NALF1: variants seen among roughly 807,000 people sequenced by gnomAD.
NALF1 encodes family with sequence similarity 155 member A.
A neutral mutation model predicts 48.4 loss-of-function variants in NALF1; 3 were observed. That is an observed-to-expected ratio of 0.06 (90% CI 0.03 to 0.16). NALF1 has a LOEUF of 0.16. NALF1 is among the 10% of genes least tolerant of loss of function. The pLI is 1.00. For missense variants in NALF1, 526 were observed against 571.5 expected (o/e 0.92, Z 0.81); for synonymous variants, 262 against 245.7 (o/e 1.07, Z -0.62).
chr13:107,468,089 G>A (rs1885038618), intron 1 of NALF1, among the ~76,000 whole-genome samples: 1 of 151,210 alleles, frequency 6.6e-6, no homozygotes, highest in African/African-American at 2.4e-5. Context: ...GCAACTGTCT[G>A]GCAAAAACAG....
chr13:107,866,338 T>TCTG lies in NALF1; in HGVS notation c.256_258dup (p.Gln86dup), dbSNP rs756515049. ...TGCTGCTGCTGCTGCTGCCGCTGCC[T>TCTG]CTGCTGCTGCTGCTGCTGCTGCTGC... On this transcript the variant is annotated inframe_insertion, in exon 1 of 3. Transcript: ENST00000375915. The surrounding 1 kb of genome is among the most constrained non-coding windows in gnomAD (Gnocchi z 4.4). 8.5e-3 allele frequency: 13,559 copies of TCTG among 1,598,672 alleles called. 30 individuals are homozygous for TCTG. The highest frequency in any genetic ancestry group is 0.026 in the Middle Eastern group (153 of 5,780).
At chr13:107,540,857 ATAAACT>A (rs1022549845) in intron 1 of NALF1, among the ~76,000 whole-genome samples, 1 of 152,178 alleles carries the variant, frequency 6.6e-6, no homozygotes, top group Admixed American at 6.6e-5. Context: ...ACTTGAATAC[ATAAACT>A]TATTTAGAAA....
intron 1 of NALF1, among the ~76,000 whole-genome samples, chr13:107,266,009 T>C (rs1360825629): frequency 6.6e-6 from 1 of 152,146 alleles, no homozygotes; most frequent in Non-Finnish European, 1.5e-5. Context: ...TTCCTGAAAA[T>C]AGTATAAAGT....
intron 1 of NALF1, among the ~76,000 whole-genome samples, chr13:107,380,121 T>G (rs565912578): frequency 6.6e-6 from 1 of 152,182 alleles, no homozygotes; most frequent in Non-Finnish European, 1.5e-5. Flanking sequence ...TTTATAGTTA[T>G]AGTATCAACT....
intron 1 of NALF1, among the ~76,000 whole-genome samples, chr13:107,559,155 G>A (rs2138391783): frequency 6.6e-6 from 1 of 152,296 alleles, no homozygotes; most frequent in African/African-American, 2.4e-5. Flanking sequence ...GGAGGAGACG[G>A]CAGCAGAGAG....
At chr13:107,569,396 C>T (rs897335642) in intron 1 of NALF1, among the ~76,000 whole-genome samples, 7 of 151,800 alleles carry the variant, frequency 4.6e-5, no homozygotes, top group South Asian at 2.1e-4. Context: ...GACGTGAACC[C>T]GGGGGGCGGA....
At chr13:107,262,767 G>GCT (rs1280864865) in intron 1 of NALF1, among the ~76,000 whole-genome samples, 2 of 43,024 alleles carry the variant, frequency 4.6e-5, no homozygotes, top group East Asian at 1.3e-3. Flanking sequence ...TAACCCACAG[G>GCT]CGCTCTCTCT....
At chr13:107,648,258 C>T (rs1471691553) in intron 1 of NALF1, among the ~76,000 whole-genome samples, 1 of 152,124 alleles carries the variant, frequency 6.6e-6, no homozygotes, top group Non-Finnish European at 1.5e-5. Flanking sequence ...TTGACAAATG[C>T]CCATCGTCAT....
intron 1 of NALF1, among the ~76,000 whole-genome samples, chr13:107,346,633 C>T (rs1882777509): frequency 6.6e-6 from 1 of 152,080 alleles, no homozygotes; most frequent in African/African-American, 2.4e-5. Context: ...TGAGGAGTTG[C>T]TCTTTAATAG....
At chr13:107,469,986 G>A (rs1885073827) in intron 1 of NALF1, among the ~76,000 whole-genome samples, 1 of 151,612 alleles carries the variant, frequency 6.6e-6, no homozygotes, top group Non-Finnish European at 1.5e-5. Context: ...CTCATGATCT[G>A]CCCGACTCGG....
At chr13:107,251,475 G>A (rs1158731331) in intron 1 of NALF1, among the ~76,000 whole-genome samples, 3 of 152,216 alleles carry the variant, frequency 2.0e-5, no homozygotes, top group African/African-American at 7.2e-5. Context: ...CTGTGGACTT[G>A]CTGCCTTCGC....
intron 1 of NALF1, among the ~76,000 whole-genome samples, chr13:107,549,203 A>G (rs1416913270): frequency 6.6e-6 from 1 of 152,194 alleles, no homozygotes; most frequent in Admixed American, 6.5e-5. Context: ...TCTCTGTTGC[A>G]CTAATCTATG....
chr13:107,794,248 C>G (rs1184393444), intron 1 of NALF1, among the ~76,000 whole-genome samples: 1 of 152,150 alleles, frequency 6.6e-6, no homozygotes, highest in African/African-American at 2.4e-5. Flanking sequence ...TTACATTCAA[C>G]ATGAAAGCCC....
intron 1 of NALF1, among the ~76,000 whole-genome samples, chr13:107,670,477 C>G (rs182489301): frequency 2.8e-4 from 42 of 152,182 alleles, no homozygotes; most frequent in African/African-American, 1.0e-3. Context: ...TATCTTTTCT[C>G]GAGGCTATAA....
chr13:107,605,392 T>G (rs899082946), intron 1 of NALF1, among the ~76,000 whole-genome samples: 3 of 152,118 alleles, frequency 2.0e-5, no homozygotes, highest in Non-Finnish European at 4.4e-5. Context: ...AGTGGAGACA[T>G]TCTCCTTCCT....
intron 1 of NALF1, among the ~76,000 whole-genome samples, chr13:107,671,547 T>G (rs1880991450): frequency 6.6e-6 from 1 of 152,138 alleles, no homozygotes; most frequent in Admixed American, 6.6e-5. Context: ...CTTTGGAATC[T>G]AATATCAAAG....
At chr13:107,459,659 C>T (rs79010146) in intron 1 of NALF1, among the ~76,000 whole-genome samples, 1,856 of 152,270 alleles carry the variant, frequency 0.012, 20 homozygotes, top group South Asian at 0.035. Flanking sequence ...GCAGAGCTTA[C>T]GTCTCCTGGA....
At chr13:107,709,838 T>C (rs1875512712) in intron 1 of NALF1, among the ~76,000 whole-genome samples, 1 of 152,232 alleles carries the variant, frequency 6.6e-6, no homozygotes, top group Admixed American at 6.5e-5. Context: ...TTGTTGGCAA[T>C]ATACCATGGC....
intron 1 of NALF1, among the ~76,000 whole-genome samples, chr13:107,447,564 T>C (rs1884670985): frequency 6.6e-6 from 1 of 152,166 alleles, no homozygotes; most frequent in Admixed American, 6.5e-5. Context: ...GAGCTCTTTA[T>C]GTTTTAGCTT....
Sources: allele counts gnomAD v4.1 joint callset (sites outside exome capture counted in the v4.1 genomes callset), GRCh38; gene constraint gnomAD v4.1.1; non-coding constraint Gnocchi (gnomAD v3.1); transcripts MANE v1.5; gene names NCBI Gene and HGNC (gene_info 2026-07-23, HGNC 2026-07-21).